Variants in BACH2 observed in about 807,000 individuals in gnomAD.
The protein encoded by BACH2 is BACH transcriptional regulator 2.
A neutral mutation model predicts 61.8 loss-of-function variants in BACH2; 5 were observed. That is an observed-to-expected ratio of 0.08 (90% CI 0.04 to 0.17). The LOEUF (loss-of-function observed/expected upper bound fraction) is 0.17. BACH2 is among the 10% of genes least tolerant of loss of function. The probability of loss-of-function intolerance (pLI) is 1.00; values close to 1 mark genes in which losing one functional copy is unlikely to be tolerated. For synonymous variants in BACH2, 446 were observed against 440.1 expected, an observed-to-expected ratio of 1.01 and a Z score of -0.17; for missense variants, 824 against 1,091.1, an observed-to-expected ratio of 0.76 and a Z score of 3.45.
intron 5 of BACH2, among the ~76,000 whole-genome samples, chr6:90,054,128 T>C (rs1780196363): frequency 6.6e-6 from 1 of 152,166 alleles, no homozygotes; most frequent in East Asian, 1.9e-4. Flanking sequence ...TGCAGGACAG[T>C]GGGTGCAGCG....
intron 6 of BACH2, among the ~76,000 whole-genome samples, chr6:89,975,003 G>A (rs1248516001): frequency 6.6e-6 from 1 of 152,142 alleles, no homozygotes; most frequent in Non-Finnish European, 1.5e-5. Flanking sequence ...TACTGAAAGA[G>A]TCAGCAACAG....
chr6:90,263,442 G>A (rs1476193642), intron 2 of BACH2, among the ~76,000 whole-genome samples: 4 of 152,148 alleles, frequency 2.6e-5, no homozygotes, highest in East Asian at 1.9e-4. Flanking sequence ...AAATCCTACC[G>A]AAGAAGGAGG....
chr6:90,047,420 G>A (rs913846685), intron 5 of BACH2, among the ~76,000 whole-genome samples: 1 of 152,154 alleles, frequency 6.6e-6, no homozygotes, highest in Non-Finnish European at 1.5e-5. Context: ...CCTTGGAAAG[G>A]CTGAGGCAGG....
chr6:89,941,854 C>T (rs929821305), intron 7 of BACH2, among the ~76,000 whole-genome samples: 2 of 152,222 alleles, frequency 1.3e-5, no homozygotes, highest in Middle Eastern at 3.4e-3. Flanking sequence ...GATGTCTATA[C>T]CAAGAGCTAC....
intron 5 of BACH2, among the ~76,000 whole-genome samples, chr6:90,031,390 A>G (rs1446583962): frequency 1.3e-5 from 2 of 152,168 alleles, no homozygotes; most frequent in African/African-American, 4.8e-5. Flanking sequence ...AGGGTATTCA[A>G]TTAGGAAAAG....
At chr6:89,933,987 G>A (rs13213915) in intron 8 of BACH2, among the ~76,000 whole-genome samples, 29,184 of 150,842 alleles carry the variant, frequency 0.19, 3,038 homozygotes, top group Non-Finnish European at 0.24. Context: ...CTGTCTCCCC[G>A]CACCAAAAAA....
At chr6:90,107,657 T>C (rs972845939) in intron 4 of BACH2, among the ~76,000 whole-genome samples, 5 of 137,756 alleles carry the variant, frequency 3.6e-5, no homozygotes, top group African/African-American at 1.4e-4. Flanking sequence ...ACATTCTCTA[T>C]TTGTGATTTT....
chr6:89,980,918 C>G (rs1217020857), intron 6 of BACH2, among the ~76,000 whole-genome samples: 1 of 150,040 alleles, frequency 6.7e-6, no homozygotes, highest in African/African-American at 2.5e-5. Context: ...TTTTTTTTAA[C>G]CAGTGAATGG....
chr6:90,177,239 A>C (rs993690722), intron 4 of BACH2, among the ~76,000 whole-genome samples: 2 of 152,066 alleles, frequency 1.3e-5, no homozygotes, highest in African/African-American at 4.8e-5. Context: ...TTTTATTCAC[A>C]TGTATGTCTG....
At chr6:90,187,042 C>G (rs959395050) in intron 4 of BACH2, among the ~76,000 whole-genome samples, 1 of 152,186 alleles carries the variant, frequency 6.6e-6, no homozygotes, top group African/African-American at 2.4e-5. Flanking sequence ...TGGTCTTCCT[C>G]TATATTAAGA....
chr6:90,130,194 C>A (rs971183438), intron 4 of BACH2, among the ~76,000 whole-genome samples: 2 of 152,062 alleles, frequency 1.3e-5, no homozygotes, highest in Non-Finnish European at 2.9e-5. Context: ...TGTTAGAGTA[C>A]ACCGTTGACT....
intron 5 of BACH2, among the ~76,000 whole-genome samples, chr6:90,019,264 C>T (rs1279378476): frequency 2.0e-5 from 3 of 152,076 alleles, no homozygotes; most frequent in Non-Finnish European, 4.4e-5. Flanking sequence ...ATGGGTAATA[C>T]ATATTAATGT....
chr6:90,102,839 T>TA (rs1554246226), intron 4 of BACH2, among the ~76,000 whole-genome samples: 5 of 122,218 alleles, frequency 4.1e-5, no homozygotes, highest in South Asian at 3.0e-4. Flanking sequence ...ATAATAATAA[T>TA]AAAAATAAAA....
intron 7 of BACH2, among the ~76,000 whole-genome samples, chr6:89,949,964 AG>A (rs948752076): frequency 6.6e-6 from 1 of 151,486 alleles, no homozygotes; most frequent in Non-Finnish European, 1.5e-5. Context: ...GAGGAGAAAG[AG>A]GGGGGTCTGG....
chr6:90,026,675 T>A (rs1778652286), intron 5 of BACH2, among the ~76,000 whole-genome samples: 1 of 152,170 alleles, frequency 6.6e-6, no homozygotes, highest in South Asian at 2.1e-4. Flanking sequence ...ATCCGCCTGA[T>A]CTCTACTGTT....
chr6:90,055,722 G>C (rs1237936255), intron 5 of BACH2, among the ~76,000 whole-genome samples: 2 of 151,992 alleles, frequency 1.3e-5, no homozygotes, highest in African/African-American at 4.8e-5. Context: ...GGCAGCCAGA[G>C]AGAAAGGTCA....
At chr6:90,156,948 A>G (rs1363476189) in intron 4 of BACH2, among the ~76,000 whole-genome samples, 1 of 152,186 alleles carries the variant, frequency 6.6e-6, no homozygotes, top group East Asian at 1.9e-4. Context: ...GTAGCTGGGG[A>G]GATGAGACCT....
intron 4 of BACH2, among the ~76,000 whole-genome samples, chr6:90,157,661 A>G (rs554795124): frequency 2.6e-5 from 4 of 152,246 alleles, no homozygotes; most frequent in Non-Finnish European, 5.9e-5. Flanking sequence ...AAATTCACCC[A>G]CTGGATCAGG....
chr6:90,182,243 A>G (rs1454299710), intron 4 of BACH2, among the ~76,000 whole-genome samples: 1 of 152,068 alleles, frequency 6.6e-6, no homozygotes, highest in Non-Finnish European at 1.5e-5. Flanking sequence ...CTCTCTCTCA[A>G]GTAAATTAAA....
Sources: gnomAD v4.1 joint callset for allele counts (sites outside exome capture counted in the v4.1 genomes callset) on GRCh38, gnomAD v4.1.1 for gene constraint, MANE v1.5 for transcripts, NCBI Gene and HGNC (gene_info 2026-07-23, HGNC 2026-07-21) for gene names.